GYPB: variants seen among roughly 807,000 people sequenced by gnomAD.
GYPB encodes glycophorin B (MNS blood group).
In GYPB, 13 loss-of-function variants were observed where a neutral mutation model predicts 15.3. The observed-to-expected ratio is 0.85, with a 90% confidence interval of 0.55 to 1.35. The LOEUF (loss-of-function observed/expected upper bound fraction) is 1.35, where lower values mean the gene tolerates loss of function less well. Among genes scored for constraint, GYPB ranks in the 40% most tolerant of loss-of-function variants. GYPB has a pLI of 0.00. For synonymous variants in GYPB, 38 were observed against 36.9 expected, an observed-to-expected ratio of 1.03 and a Z score of -0.11; for missense variants, 131 against 108.3, an observed-to-expected ratio of 1.21 and a Z score of -0.93.
rs546424591 is a variant in GYPB, at chr4:144,010,884, A to G, written c.37+8367T>C. On this transcript the variant is annotated intron_variant, in intron 1 of 4. Coordinates refer to ENST00000502664, the MANE Select transcript of GYPB (RefSeq NM_002100.6). ...GTTAGCTAATGGGACAATTACAAGT[A>G]GGCTGTATACTTTAGAAACACATGA... 1.3e-5 allele frequency among the ~76,000 whole-genome samples: 2 copies of G among 151,620 alleles called. 1 individual carries two copies. Among genetic ancestry groups the G allele is most frequent in the African/African-American group, 4.9e-5 (2 of 40,876 alleles).
intron 3 of GYPB, 132 bp from the exon 4 acceptor site, chr4:143,997,766 T>G: frequency 4.8e-6 from 3 of 630,150 alleles, no homozygotes; most frequent in East Asian, 3.0e-5. Context: ...CTATTATGTG[T>G]ATTTTGTCTT....
chr4:143,995,675 C>A (rs1727280148), downstream of GYPB, among the ~76,000 whole-genome samples: 1 of 151,058 alleles, frequency 6.6e-6, no homozygotes, highest in African/African-American at 2.5e-5. Flanking sequence ...GCCTGTCATT[C>A]TCTTTACTGT....
chr4:144,001,931 T>C (rs1244095472), intron 1 of GYPB, among the ~76,000 whole-genome samples: 3 of 125,074 alleles, frequency 2.4e-5, no homozygotes, highest in African/African-American at 9.3e-5. Flanking sequence ...ATCACGCCAC[T>C]GCACTCCAGC....
At position 143,999,326 on chromosome 4, in the gene GYPB, T is replaced by C. The variant is rs186347310; in HGVS notation, c.175+85A>G. 3.9e-3 allele frequency: 2,842 copies of C among 731,210 alleles called. 174 individuals carry two copies. The African/African-American group carries it at 0.044, about 11-fold the overall frequency. 45.3% of individuals were successfully genotyped at this position (731,210 alleles called of 1,614,324 possible). ...CAACATATGCTCTTCTGTTTTAAGA[T>C]AGACACATTTTCTTAGGCATTTGAA... is the stretch of plus-strand genomic sequence containing the variant. On this transcript the variant is annotated intron_variant, in intron 3 of 4. Transcript: ENST00000502664.
At chr4:144,008,965 C>G (rs1171071478) in intron 1 of GYPB, among the ~76,000 whole-genome samples, 2 of 151,348 alleles carry the variant, frequency 1.3e-5, no homozygotes, top group Non-Finnish European at 2.9e-5. Context: ...TTCTATGGTT[C>G]TAGCGTCACC....
chr4:144,015,029 C>G lies in GYPB; in HGVS notation c.37+4222G>C, dbSNP rs189631525. Among the ~76,000 whole-genome samples, 114 of 151,292 alleles carry G rather than the reference C, an allele frequency of 7.5e-4. 9 individuals carry two copies. The highest frequency in any genetic ancestry group is 2.6e-3 in the African/African-American group (105 of 40,734). On this transcript the variant is annotated intron_variant, in intron 1 of 4. Transcript: ENST00000502664. ...TTCCAGTGCTTACATATAATAATTTCGGTTAGACAGAAATTCTTAATAAAT... is the reference window on the plus strand; with the variant it reads ...TTCCAGTGCTTACATATAATAATTTGGGTTAGACAGAAATTCTTAATAAAT...
At chr4:144,001,381 G>C in intron 1 of GYPB, 98 bp from the exon 2 acceptor site, 1 of 1,597,138 alleles carries the variant, frequency 6.3e-7, no homozygotes, top group Non-Finnish European at 8.6e-7. Flanking sequence ...CATCCCTCCA[G>C]TCCCTGAGCT....
chr4:143,996,319 C>G lies in GYPB; in HGVS notation c.271-15G>C, dbSNP rs1325165521. On this transcript the variant is annotated splice_polypyrimidine_tract_variant and intron_variant, in intron 4 of 4. Transcript: ENST00000502664. ...CATCCTCATGCCTGTGATAAAAAGA[C>G]AAGAAGTTTCCACTTCAGCCTCTGC... is the stretch of plus-strand genomic sequence containing the variant. 6.5e-7 allele frequency: 1 copy of G among 1,549,114 alleles called. No homozygotes were observed. The highest frequency in any genetic ancestry group is 2.4e-5 in the East Asian group (1 of 40,916).
At chr4:144,010,730 C>T (rs1416859226) in intron 1 of GYPB, among the ~76,000 whole-genome samples, 1 of 151,346 alleles carries the variant, frequency 6.6e-6, no homozygotes, top group African/African-American at 2.5e-5. Context: ...ACGGCCCGCA[C>T]AAGCCATTGA....
chr4:144,018,535 T>C (rs1289218377), intron 1 of GYPB, among the ~76,000 whole-genome samples: 4 of 151,288 alleles, frequency 2.6e-5, no homozygotes, highest in Admixed American at 2.0e-4. Context: ...CTTGAGAGGA[T>C]GTTTAACTAT....
At chr4:144,011,820 T>C (rs1336938529) in intron 1 of GYPB, among the ~76,000 whole-genome samples, 5 of 151,308 alleles carry the variant, frequency 3.3e-5, no homozygotes, top group East Asian at 1.9e-4. Context: ...TACAATGTTT[T>C]TGAAGTCTGA....
At chr4:143,997,913 A>G (rs1727412643) in intron 3 of GYPB, among the ~76,000 whole-genome samples, 1 of 151,346 alleles carries the variant, frequency 6.6e-6, no homozygotes, top group Admixed American at 6.6e-5. Context: ...AGCGTTCTTC[A>G]CTAGTGTAAC....
rs543100615 is a variant in GYPB at position 144,016,406 on chromosome 4, T to G, written c.37+2845A>C. 2.0e-5 allele frequency among the ~76,000 whole-genome samples: 3 copies of G among 149,136 alleles called. No individual in the cohort carries two copies. The South Asian group carries it at 6.3e-4, about 31-fold the overall frequency. ...CTCCCTCCTCTCTTCTTTCCTTCCTTCTTTTTTCCTTCTTTTCTTTCTTCC... is the reference window on the plus strand; with the variant it reads ...CTCCCTCCTCTCTTCTTTCCTTCCTGCTTTTTTCCTTCTTTTCTTTCTTCC... On this transcript the variant is annotated intron_variant, in intron 1 of 4. Transcript: ENST00000502664.
chr4:144,006,220 T>C (rs1469581458), intron 1 of GYPB, among the ~76,000 whole-genome samples: 2 of 151,964 alleles, frequency 1.3e-5, no homozygotes, highest in Non-Finnish European at 2.9e-5. Flanking sequence ...ATTGGTATAC[T>C]TTCTAGAAAA....
chr4:144,000,835 G>A (rs1448039395), intron 2 of GYPB, among the ~76,000 whole-genome samples: 1 of 151,178 alleles, frequency 6.6e-6, no homozygotes, highest in African/African-American at 2.5e-5. Flanking sequence ...CAGCAGCTGG[G>A]ATAGAGCTGA....
intron 1 of GYPB, among the ~76,000 whole-genome samples, chr4:144,014,503 T>G (rs1003722225): frequency 1.3e-5 from 2 of 151,480 alleles, no homozygotes; most frequent in Non-Finnish European, 2.9e-5. Flanking sequence ...TGGATGAACT[T>G]TATTTTAGGT....
chr4:144,016,842 T>A (rs1257420534), intron 1 of GYPB: 3 of 428,032 alleles, frequency 7.0e-6, no homozygotes, highest in Non-Finnish European at 1.4e-5. Context: ...TCCCTCTGCC[T>A]TCTGTCCTCT....
downstream of GYPB, among the ~76,000 whole-genome samples, chr4:143,995,402 A>G (rs182505442): frequency 1.1e-4 from 16 of 151,380 alleles, no homozygotes; most frequent in Admixed American, 9.8e-4. Flanking sequence ...GATGGGAGAA[A>G]AGAGACCTCA....
Position 143,999,431 on chromosome 4 carries a change from A to G in GYPB, c.155T>C (p.Val52Ala), listed in dbSNP as rs773977266. Reference protein sequence around the residue: ...SQTNGETGQLVHRFTVPAPVV... With the variant: ...SQTNGETGQLAHRFTVPAPVV... ...CATACCTGGTACAGTGAAACGATGG[A>G]CAAGTTGTCCCGTTTCTCCTATAAA... The change falls in exon 3 of 5, where the codon GTC becomes GCC. Residue 52 changes from valine to alanine, a missense_variant. By Grantham distance (64) the Val-to-Ala change is moderately conservative. Coordinates refer to ENST00000502664, the MANE Select transcript of GYPB (RefSeq NM_002100.6). 1.3e-6 allele frequency: 2 copies of G among 1,545,304 alleles called. No individual in the cohort carries two copies. The highest frequency in any genetic ancestry group is 8.9e-7 in the Non-Finnish European group (1 of 1,122,210).
Sources: allele counts gnomAD v4.1 joint callset (sites outside exome capture counted in the v4.1 genomes callset), GRCh38; gene constraint gnomAD v4.1.1; transcripts MANE v1.5; gene names NCBI Gene and HGNC (gene_info 2026-07-23, HGNC 2026-07-21).